The following EPHA6 variants were observed in gnomAD, a reference collection of about 807,000 sequenced individuals.
EPHA6 encodes the protein ephrin type-A receptor 6.
A neutral mutation model predicts 112.0 loss-of-function variants in EPHA6; 50 were observed. That is an observed-to-expected ratio of 0.45 (90% confidence interval 0.36 to 0.56). The LOEUF is 0.56. EPHA6 is among the 20% of genes least tolerant of loss of function. The pLI is 0.00. For missense variants in EPHA6, 1,280 were observed against 1,417.4 expected (o/e 0.90, Z 1.56); for synonymous variants, 529 against 490.7 (o/e 1.08, Z -1.03).
intron 10 of EPHA6, among the ~76,000 whole-genome samples, chr3:97,515,613 G>A (rs537566885): frequency 6.6e-6 from 1 of 152,212 alleles, no homozygotes; most frequent in South Asian, 2.1e-4. Flanking sequence ...TAGTATGAGA[G>A]GCCATCTGGT....
intron 5 of EPHA6, among the ~76,000 whole-genome samples, chr3:97,328,297 A>G (rs186190581): frequency 1.3e-3 from 195 of 151,972 alleles, no homozygotes; most frequent in Admixed American, 2.5e-3. Flanking sequence ...CAGAGTGCCT[A>G]TATCATTTTA....
At chr3:96,832,418 A>T (rs1255330725) in intron 1 of EPHA6, among the ~76,000 whole-genome samples, 1 of 152,084 alleles carries the variant, frequency 6.6e-6, no homozygotes, top group Non-Finnish European at 1.5e-5. Flanking sequence ...TGTAATTTGT[A>T]ACATCCTTTG....
chr3:96,939,483 A>T (rs201112850), intron 2 of EPHA6, among the ~76,000 whole-genome samples: 1 of 150,698 alleles, frequency 6.6e-6, no homozygotes, highest in African/African-American at 2.4e-5. Context: ...GCATCTATTG[A>T]TTCTTCTCTC....
intron 1 of EPHA6, among the ~76,000 whole-genome samples, chr3:96,842,012 A>G (rs749354094): frequency 1.3e-5 from 2 of 152,058 alleles, no homozygotes; most frequent in African/African-American, 2.4e-5. Context: ...GTACTCTTAT[A>G]TCATGCACCT....
intron 13 of EPHA6, among the ~76,000 whole-genome samples, chr3:97,614,671 G>A (rs999848607): frequency 6.6e-6 from 1 of 151,838 alleles, no homozygotes; most frequent in Non-Finnish European, 1.5e-5. Context: ...ATTTTTTACA[G>A]TGCAAATCAC....
At chr3:97,321,512 T>A (rs575802276) in intron 5 of EPHA6, among the ~76,000 whole-genome samples, 5 of 152,126 alleles carry the variant, frequency 3.3e-5, no homozygotes, top group Admixed American at 1.3e-4. Context: ...AATTATCTTG[T>A]CCAAATTTTC....
chr3:97,044,439 A>C (rs1403325335), intron 3 of EPHA6, among the ~76,000 whole-genome samples: 2 of 152,180 alleles, frequency 1.3e-5, no homozygotes, highest in Non-Finnish European at 1.5e-5. Context: ...CCATTTTTGC[A>C]TAAGAAAATG....
At chr3:97,068,311 C>G (rs530811023) in intron 3 of EPHA6, among the ~76,000 whole-genome samples, 2 of 151,710 alleles carry the variant, frequency 1.3e-5, no homozygotes, top group African/African-American at 2.4e-5. Context: ...TAAAAGTAAA[C>G]GACGGAACAA....
At chr3:97,011,193 A>C (rs2044072900) in intron 3 of EPHA6, among the ~76,000 whole-genome samples, 1 of 152,182 alleles carries the variant, frequency 6.6e-6, no homozygotes, top group South Asian at 2.1e-4. Context: ...AGTCTGTATA[A>C]GGGGATTTTA....
At chr3:97,130,144 A>T (rs1196499698) in intron 3 of EPHA6, among the ~76,000 whole-genome samples, 1 of 152,128 alleles carries the variant, frequency 6.6e-6, no homozygotes, top group Non-Finnish European at 1.5e-5. Context: ...GGGTGGTGGT[A>T]GTGACAGTAC....
In EPHA6 at chr3:96,855,421, G is replaced by T. The variant is rs568144718; in HGVS notation, c.386-11404G>T. On this transcript the variant is annotated intron_variant, in intron 1 of 17. Coordinates refer to ENST00000389672, the MANE Select transcript of EPHA6 (RefSeq NM_001080448.3). Reference sequence around the variant, plus strand: ...GATAGATTTGTAGTTAATATTGAGGGATGAGTTAAGGATAGGATATTGGTT... The same window carrying T: ...GATAGATTTGTAGTTAATATTGAGGTATGAGTTAAGGATAGGATATTGGTT... Among the ~76,000 whole-genome samples the T allele has an allele frequency of 3.3e-5, 5 of 152,164 alleles. No homozygotes were observed. The East Asian group carries it at 9.7e-4, about 29-fold the overall frequency.
At chr3:97,279,210 G>T (rs916705176) in intron 5 of EPHA6, among the ~76,000 whole-genome samples, 1 of 152,014 alleles carries the variant, frequency 6.6e-6, no homozygotes, top group Non-Finnish European at 1.5e-5. Context: ...ATATTCCAGT[G>T]ATATTTGTTT....
chr3:97,631,882 G>C (rs1242969513), intron 13 of EPHA6, among the ~76,000 whole-genome samples: 1 of 151,990 alleles, frequency 6.6e-6, no homozygotes, highest in Admixed American at 6.6e-5. Flanking sequence ...TGAGGGCAGT[G>C]ATTTATATTA....
intron 5 of EPHA6, among the ~76,000 whole-genome samples, chr3:97,323,276 C>CT (rs918594328): frequency 1.3e-5 from 2 of 151,748 alleles, no homozygotes; most frequent in African/African-American, 4.8e-5. Context: ...TAGTTTATTA[C>CT]TTTTTTGAGA....
intron 14 of EPHA6, among the ~76,000 whole-genome samples, chr3:97,701,618 GTATA>G (rs10576183): frequency 2.7e-5 from 4 of 148,084 alleles, no homozygotes; most frequent in African/African-American, 4.9e-5. Context: ...TCATATATAT[GTATA>G]TATATATATA....
chr3:96,825,098 A>C (rs1364862844), intron 1 of EPHA6, among the ~76,000 whole-genome samples: 1 of 151,992 alleles, frequency 6.6e-6, no homozygotes, highest in Non-Finnish European at 1.5e-5. Context: ...GAAAATAATT[A>C]GAGAATTAAG....
chr3:96,879,648 A>G (rs1229700493), intron 2 of EPHA6, among the ~76,000 whole-genome samples: 11 of 152,122 alleles, frequency 7.2e-5, no homozygotes. Context: ...TGAGCATGGA[A>G]TGATTTCCGT....
chr3:97,678,417 A>T (rs2031583779), intron 14 of EPHA6, among the ~76,000 whole-genome samples: 1 of 152,138 alleles, frequency 6.6e-6, no homozygotes, highest in Admixed American at 6.5e-5. Context: ...ACAAAGTAGA[A>T]GTTGAGGATG....
At chr3:97,613,754 G>A (rs1002649510) in intron 13 of EPHA6, among the ~76,000 whole-genome samples, 15 of 152,160 alleles carry the variant, frequency 9.9e-5, no homozygotes, top group Admixed American at 4.6e-4. Context: ...TCAGCAGCCT[G>A]GCTGCCCAGA....
Sources: allele counts gnomAD v4.1 joint callset (sites outside exome capture counted in the v4.1 genomes callset), GRCh38; gene constraint gnomAD v4.1.1; transcripts MANE v1.5; gene names NCBI Gene and HGNC (gene_info 2026-07-23, HGNC 2026-07-21).